Variants in ACOXL observed in about 807,000 individuals in gnomAD.
ACOXL encodes the protein acyl-coenzyme A oxidase-like protein.
In ACOXL, 70 loss-of-function variants were observed where a neutral mutation model predicts 71.9. The ratio of observed to expected loss-of-function variants is 0.97; its 90% CI spans 0.80 to 1.19. The LOEUF (loss-of-function observed/expected upper bound fraction) is 1.19. ACOXL is among the 50% of genes most tolerant of loss of function. ACOXL has a pLI of 0.00. For synonymous variants in ACOXL, 253 were observed against 281.6 expected (o/e 0.90, Z 1.02); for missense variants, 703 against 736.3 (o/e 0.95, Z 0.52).
chr2:111,090,608 C>T (rs958623852), intron 16 of ACOXL, among the ~76,000 whole-genome samples: 1 of 152,190 alleles, frequency 6.6e-6, no homozygotes, highest in African/African-American at 2.4e-5. Flanking sequence ...ATTCTCAAGT[C>T]CAAAGAAGGG....
rs116447771 is a variant in ACOXL at position 110,936,679 on chromosome 2, G to A, written c.1059+3037G>A. On this transcript the variant is annotated intron_variant, in intron 12 of 17. Coordinates refer to ENST00000439055, the MANE Select transcript of ACOXL (RefSeq NM_001142807.4). ...CAGAGAAACACTTAAATGTTTACTG[G>A]AAATAATTAAGGATACAGATAAACA... 3.8e-3 allele frequency among the ~76,000 whole-genome samples: 586 copies of A among 152,234 alleles called. 1 individual carries two copies. The highest frequency in any genetic ancestry group is 0.012 in the African/African-American group (497 of 41,524).
chr2:110,903,363 C>G (rs1404649524), intron 10 of ACOXL, among the ~76,000 whole-genome samples: 2 of 152,172 alleles, frequency 1.3e-5, no homozygotes, highest in Non-Finnish European at 2.9e-5. Context: ...ATAAAACAAC[C>G]CAAAATAAAT....
chr2:111,041,935 A>G (rs1474020922), intron 15 of ACOXL, among the ~76,000 whole-genome samples: 1 of 152,228 alleles, frequency 6.6e-6, no homozygotes, highest in East Asian at 1.9e-4. Flanking sequence ...AGCCCTAAGA[A>G]GGAGGATGAA....
rs565324623 is a variant in ACOXL at position 110,969,630 on chromosome 2, G to C, written c.1060-17478G>C. ...GTTCAAGACCAGCCTGGGCAACATG[G>C]TAAAACCCCATCTCTACTAAAAATA... is the stretch of plus-strand genomic sequence containing the variant. On this transcript the variant is annotated intron_variant, in intron 12 of 17. Transcript: ENST00000439055. Among the ~76,000 whole-genome samples, 13 of 152,178 alleles carry C rather than the reference G, an allele frequency of 8.5e-5. No homozygotes were observed. The South Asian group carries it at 2.1e-3, about 24-fold the overall frequency.
chr2:111,019,964 G>T (rs958863552), intron 14 of ACOXL, among the ~76,000 whole-genome samples: 14 of 152,132 alleles, frequency 9.2e-5, no homozygotes, highest in African/African-American at 3.4e-4. Context: ...CGGTTCAAGC[G>T]ATTCTCCTGC....
intron 16 of ACOXL, among the ~76,000 whole-genome samples, chr2:111,052,261 G>A (rs938628395): frequency 1.3e-5 from 2 of 152,174 alleles, no homozygotes; most frequent in Admixed American, 6.5e-5. Flanking sequence ...CCACTCAGAT[G>A]AGCAAATTCA....
chr2:110,779,171 T>C (rs536251190), intron 2 of ACOXL, among the ~76,000 whole-genome samples: 4 of 152,344 alleles, frequency 2.6e-5, no homozygotes, highest in Non-Finnish European at 4.4e-5. Flanking sequence ...CTTTCATCAA[T>C]CCTGCACTGG....
At position 110,764,048 on chromosome 2, in the gene ACOXL, T is replaced by A. The variant is rs563955782; in HGVS notation, c.-22-4320T>A. Among the ~76,000 whole-genome samples, 147 of 152,182 alleles carry A rather than the reference T, an allele frequency of 9.7e-4. 1 individual carries two copies. Among genetic ancestry groups the A allele is most frequent in the Non-Finnish European group, 1.6e-3 (109 of 68,002 alleles). ...AATCCAGAACACTGACAACACTAAA[T>A]GCTGACAACAAGAAGTTTTATTCAT... On this transcript the variant is annotated intron_variant, in intron 1 of 17. Coordinates refer to ENST00000439055, the MANE Select transcript of ACOXL (RefSeq NM_001142807.4).
intron 2 of ACOXL, among the ~76,000 whole-genome samples, chr2:110,781,025 A>G (rs1358847012): frequency 6.6e-6 from 1 of 152,188 alleles, no homozygotes; most frequent in Non-Finnish European, 1.5e-5. Context: ...GCAAGACTCC[A>G]TCTTTAAGAA....
chr2:111,090,836 A>G (rs1490386014), intron 16 of ACOXL, among the ~76,000 whole-genome samples: 3 of 152,208 alleles, frequency 2.0e-5, no homozygotes, highest in Admixed American at 1.3e-4. Flanking sequence ...TTGCCTCTGT[A>G]GCTCTGCTCA....
intron 16 of ACOXL, among the ~76,000 whole-genome samples, chr2:111,060,837 C>A (rs145222667): frequency 1.3e-5 from 2 of 151,960 alleles, no homozygotes; most frequent in Admixed American, 6.6e-5. Flanking sequence ...TATAAACAAC[C>A]AAATGGAAAT....
chr2:110,751,298 CAAAAAAA>C (rs765632647), intron 1 of ACOXL, among the ~76,000 whole-genome samples: 2 of 44,012 alleles, frequency 4.5e-5, no homozygotes, highest in East Asian at 7.4e-4. Flanking sequence ...GACTCCGTCT[CAAAAAAA>C]AAAAAAAAAA....
intron 12 of ACOXL, among the ~76,000 whole-genome samples, chr2:110,941,640 G>A (rs1343597240): frequency 2.0e-5 from 3 of 152,120 alleles, no homozygotes; most frequent in Non-Finnish European, 4.4e-5. Flanking sequence ...TAGAAACAAG[G>A]CAAGTAAAGA....
chr2:110,834,279 G>A (rs370749517), intron 9 of ACOXL, among the ~76,000 whole-genome samples: 1 of 152,212 alleles, frequency 6.6e-6, no homozygotes, highest in Non-Finnish European at 1.5e-5. Context: ...TGTAAGGGAT[G>A]CACAGAATCC....
chr2:110,853,134 A>G (rs1365674008), intron 10 of ACOXL, among the ~76,000 whole-genome samples: 1 of 151,710 alleles, frequency 6.6e-6, no homozygotes, highest in Non-Finnish European at 1.5e-5. Flanking sequence ...TGTTTACTTA[A>G]TCTCCTCCTC....
chr2:110,935,371 C>T (rs569358576), intron 12 of ACOXL, among the ~76,000 whole-genome samples: 52 of 152,280 alleles, frequency 3.4e-4, no homozygotes, highest in Admixed American at 3.1e-3. Context: ...TCCTGCACCC[C>T]TCTTGTCATC....
intron 10 of ACOXL, among the ~76,000 whole-genome samples, chr2:110,860,282 T>C (rs1693784454): frequency 6.6e-6 from 1 of 152,156 alleles, no homozygotes. Flanking sequence ...GGTTAACTTT[T>C]GTATTTTTAG....
chr2:110,892,215 G>C (rs1021529885), intron 10 of ACOXL, among the ~76,000 whole-genome samples: 8 of 152,122 alleles, frequency 5.3e-5, no homozygotes, highest in African/African-American at 1.7e-4. Flanking sequence ...CCCAGATGAT[G>C]GTGCTGACCT....
At chr2:110,773,948 A>G (rs1014483516) in intron 2 of ACOXL, among the ~76,000 whole-genome samples, 2 of 152,198 alleles carry the variant, frequency 1.3e-5, no homozygotes, top group African/African-American at 4.8e-5. Flanking sequence ...AAAGCGGGGC[A>G]TGGCAGGGAG....
Sources: allele counts gnomAD v4.1 joint callset (sites outside exome capture counted in the v4.1 genomes callset), GRCh38; gene constraint gnomAD v4.1.1; transcripts MANE v1.5; gene names NCBI Gene and HGNC (gene_info 2026-07-23, HGNC 2026-07-21).